Variants in MYT1L observed in about 807,000 individuals in gnomAD.
MYT1L encodes myelin transcription factor 1 like.
In MYT1L, 12 loss-of-function variants were observed where a neutral mutation model predicts 126.7. That is an observed-to-expected ratio of 0.09 (90% CI 0.06 to 0.15). The LOEUF is 0.15. MYT1L is among the 10% of genes least tolerant of loss of function. The pLI, the probability that MYT1L is intolerant of heterozygous loss-of-function variation, is 1.00. For synonymous variants in MYT1L, 541 were observed against 604.2 expected (o/e 0.90, Z 1.53); for missense variants, 979 against 1,585.2 (o/e 0.62, Z 6.49).
intron 2 of MYT1L, among the ~76,000 whole-genome samples, chr2:2,216,175 C>T (rs901567239): frequency 3.3e-5 from 5 of 152,128 alleles, no homozygotes; most frequent in Non-Finnish European, 7.3e-5. Context: ...AATTAAACCT[C>T]TTTTCTTTAT....
At chr2:1,954,911 A>G (rs565547408) in intron 8 of MYT1L, among the ~76,000 whole-genome samples, 16 of 152,106 alleles carry the variant, frequency 1.1e-4, no homozygotes, top group Non-Finnish European at 1.9e-4. Context: ...ACTTAATAAA[A>G]AAAGAAAGAA....
At chr2:1,987,803 C>T (rs1461015818) in intron 5 of MYT1L, among the ~76,000 whole-genome samples, 2 of 152,152 alleles carry the variant, frequency 1.3e-5, no homozygotes, top group African/African-American at 4.8e-5. Context: ...GTAATTGTTA[C>T]AGGAGTGACA....
intron 2 of MYT1L, among the ~76,000 whole-genome samples, chr2:2,190,678 A>C (rs2148735197): frequency 6.6e-6 from 1 of 152,304 alleles, no homozygotes; most frequent in Non-Finnish European, 1.5e-5. Flanking sequence ...CTCATAAATA[A>C]GTGAATGGAT....
intron 4 of MYT1L, among the ~76,000 whole-genome samples, chr2:2,052,717 G>A (rs1188700881): frequency 6.6e-6 from 1 of 152,060 alleles, no homozygotes; most frequent in Non-Finnish European, 1.5e-5. Flanking sequence ...AACCACAATA[G>A]GATGCCACTT....
intron 21 of MYT1L, among the ~76,000 whole-genome samples, chr2:1,826,352 A>C (rs1163385381): frequency 6.6e-6 from 1 of 152,032 alleles, no homozygotes; most frequent in East Asian, 1.9e-4. Context: ...AATGCTTGCC[A>C]GGTCCTGGGG....
At chr2:1,931,385 CCCA>C (rs2054960754) in intron 9 of MYT1L, among the ~76,000 whole-genome samples, 1 of 151,828 alleles carries the variant, frequency 6.6e-6, no homozygotes, top group Non-Finnish European at 1.5e-5. Flanking sequence ...CTCAGCGATG[CCCA>C]CGTCTGCTGC....
At chr2:2,299,338 CGCCAGCAGGGACCCATGTCAGAG>C (rs1010822868) in intron 1 of MYT1L, among the ~76,000 whole-genome samples, 2 of 152,206 alleles carry the variant, frequency 1.3e-5, no homozygotes, top group Admixed American at 1.3e-4. Context: ...CCATGTGAGC[CGCCAGCAGGGACCCATGTCAGAG>C]GTCACTGGAG....
chr2:1,878,803 T>C (rs993872765), intron 18 of MYT1L, among the ~76,000 whole-genome samples: 6 of 152,308 alleles, frequency 3.9e-5, no homozygotes, highest in African/African-American at 1.4e-4. Context: ...GTGTGGGATG[T>C]CCAACCTCTT....
intron 4 of MYT1L, among the ~76,000 whole-genome samples, chr2:2,006,237 C>G (rs1277856741): frequency 6.6e-6 from 1 of 152,136 alleles, no homozygotes; most frequent in Non-Finnish European, 1.5e-5. Flanking sequence ...CCTAGTTTCT[C>G]CATTTCATTA....
rs139477422 is a variant in MYT1L at position 2,268,484 on chromosome 2, T to C, written c.-421+15920A>G. Among the ~76,000 whole-genome samples the C allele has an allele frequency of 7.9e-3, 1,206 of 152,264 alleles. 18 individuals are homozygous for C. Among genetic ancestry groups the C allele is most frequent in the African/African-American group, 0.028 (1,157 of 41,528 alleles). On this transcript the variant is annotated intron_variant, in intron 2 of 24. Coordinates refer to ENST00000647738, the MANE Select transcript of MYT1L (RefSeq NM_001303052.2). ...ACCACAAATAGCCTATGAAAATTAT[T>C]CATAAATTTCTTATCCTAAAAATAG...
At chr2:1,874,967 C>T (rs541071872) in intron 18 of MYT1L, among the ~76,000 whole-genome samples, 3 of 152,344 alleles carry the variant, frequency 2.0e-5, no homozygotes, top group African/African-American at 7.2e-5. Context: ...CTGGCCCATC[C>T]GTGGTCCTCC....
intron 5 of MYT1L, among the ~76,000 whole-genome samples, chr2:1,987,410 C>T (rs1228626988): frequency 2.6e-5 from 4 of 151,696 alleles, no homozygotes; most frequent in Non-Finnish European, 4.4e-5. Flanking sequence ...CTCAGATGGC[C>T]GGAGTGGAGG....
intron 21 of MYT1L, among the ~76,000 whole-genome samples, chr2:1,820,616 T>A (rs541007527): frequency 6.6e-6 from 1 of 152,160 alleles, no homozygotes; most frequent in Non-Finnish European, 1.5e-5. Flanking sequence ...GGCATGATCA[T>A]ACTCACTGCA....
At chr2:1,950,265 G>C (rs903863856) in intron 8 of MYT1L, among the ~76,000 whole-genome samples, 1 of 151,738 alleles carries the variant, frequency 6.6e-6, no homozygotes, top group African/African-American at 2.4e-5. Context: ...TTTCTTATTG[G>C]GCCATGGTAA....
At position 1,979,096 on chromosome 2, in the gene MYT1L, C is replaced by A; in HGVS notation, c.152+69G>T. 2 of 1,280,980 alleles carry A rather than the reference C, an allele frequency of 1.6e-6. No individual in the cohort carries two copies. The highest frequency in any genetic ancestry group is 1.3e-5 in the South Asian group (1 of 78,980). 79.4% of individuals were successfully genotyped at this position (1,280,980 alleles called of 1,614,324 possible). On this transcript the variant is annotated intron_variant, in intron 8 of 24. Transcript: ENST00000647738. This position sits in a 1 kb window ranked among gnomAD's most constrained non-coding sequence, Gnocchi z 4.0. ...AAGAACACCTGCTCACACAGTTCAT[C>A]ATCAGGACTGGGTCCCCAAATAAGT...
At chr2:2,233,312 C>T (rs1302851178) in intron 2 of MYT1L, among the ~76,000 whole-genome samples, 6 of 152,142 alleles carry the variant, frequency 3.9e-5, no homozygotes, top group Non-Finnish European at 7.4e-5. Context: ...GAGCACGGGG[C>T]GCCGGGATGT....
intron 5 of MYT1L, among the ~76,000 whole-genome samples, chr2:1,992,937 C>G (rs2061553522): frequency 6.6e-6 from 1 of 152,164 alleles, no homozygotes. Flanking sequence ...TGGCACCACC[C>G]GGATCAATAA....
Position 2,228,803 on chromosome 2 carries a change from C to T in MYT1L, c.-421+55601G>A, listed in dbSNP as rs1437868034. 6.6e-6 allele frequency among the ~76,000 whole-genome samples: 1 copy of T among 152,016 alleles called. No homozygotes were observed. The highest frequency in any genetic ancestry group is 1.5e-5 in the Non-Finnish European group (1 of 68,012). ...CTATGTTATTTAGGTTGCTTCTTTTCAAGGTAACAGGGAAGTATTGATTAT... is the reference window on the plus strand; with the variant it reads ...CTATGTTATTTAGGTTGCTTCTTTTTAAGGTAACAGGGAAGTATTGATTAT... On this transcript the variant is annotated intron_variant, in intron 2 of 24. Transcript: ENST00000647738. This position sits in a 1 kb window ranked among gnomAD's most constrained non-coding sequence, Gnocchi z 5.9.
chr2:1,796,570 G>T (rs1393725351), intron 23 of MYT1L, among the ~76,000 whole-genome samples: 1 of 152,190 alleles, frequency 6.6e-6, no homozygotes, highest in Non-Finnish European at 1.5e-5. Context: ...GAGCTGGGGG[G>T]TTTCTTGTGA....
Sources: gnomAD v4.1 joint callset for allele counts (sites outside exome capture counted in the v4.1 genomes callset) on GRCh38, gnomAD v4.1.1 for gene constraint, Gnocchi (gnomAD v3.1) non-coding constraint, MANE v1.5 for transcripts, NCBI Gene and HGNC (gene_info 2026-07-23, HGNC 2026-07-21) for gene names.